The following CADPS variants were observed in gnomAD, a reference collection of about 807,000 sequenced individuals.
CADPS encodes the protein calcium dependent secretion activator, also known as calcium-dependent secretion activator 1.
In CADPS, 57 loss-of-function variants were observed where a neutral mutation model predicts 167.3. That is an observed-to-expected ratio of 0.34 (90% CI 0.28 to 0.42). The LOEUF is 0.42. CADPS is among the 20% of genes least tolerant of loss of function. The probability of loss-of-function intolerance (pLI) is 1.00; values close to 1 mark genes in which losing one functional copy is unlikely to be tolerated. For synonymous variants in CADPS, 676 were observed against 635.3 expected, an observed-to-expected ratio of 1.06 and a Z score of -0.96; for missense variants, 1,414 against 1,738.1, an observed-to-expected ratio of 0.81 and a Z score of 3.32.
At chr3:62,844,178 G>C (rs925081141) in intron 1 of CADPS, among the ~76,000 whole-genome samples, 2 of 152,178 alleles carry the variant, frequency 1.3e-5, no homozygotes, top group African/African-American at 4.8e-5. Flanking sequence ...TGTAAGGTAA[G>C]AGCTCTTCTG....
At chr3:62,535,737 A>G (rs2074563695) in intron 12 of CADPS, among the ~76,000 whole-genome samples, 1 of 152,086 alleles carries the variant, frequency 6.6e-6, no homozygotes, top group East Asian at 1.9e-4. Flanking sequence ...TGAATTTGAT[A>G]GTTTAAAGCC....
At chr3:62,417,440 C>T (rs888910683) in intron 28 of CADPS, among the ~76,000 whole-genome samples, 14 of 151,438 alleles carry the variant, frequency 9.2e-5, no homozygotes, top group African/African-American at 2.9e-4. Flanking sequence ...GTGTGCCACC[C>T]CACCTGGCTA....
chr3:62,451,366 G>C (rs2058020774), intron 26 of CADPS, among the ~76,000 whole-genome samples: 1 of 152,024 alleles, frequency 6.6e-6, no homozygotes, highest in South Asian at 2.1e-4. Flanking sequence ...CTTTGATAGG[G>C]AGCGCGGCAG....
intron 6 of CADPS, among the ~76,000 whole-genome samples, chr3:62,595,350 C>T (rs914624224): frequency 6.6e-6 from 1 of 151,762 alleles, no homozygotes; most frequent in Non-Finnish European, 1.5e-5. Flanking sequence ...GCAGCAAGAC[C>T]CCGAGATAGG....
At chr3:62,864,127 C>A (rs1460493316) in intron 1 of CADPS, among the ~76,000 whole-genome samples, 1 of 152,158 alleles carries the variant, frequency 6.6e-6, no homozygotes, top group Non-Finnish European at 1.5e-5. Context: ...ACTTTCCTAG[C>A]AGAAGAAGGT....
Position 62,430,189 on chromosome 3 carries a change from G to A in CADPS, c.3777+7915C>T, listed in dbSNP as rs561389905. Among the ~76,000 whole-genome samples the A allele has an allele frequency of 2.0e-5, 3 of 152,244 alleles. No homozygotes were observed. The South Asian group carries it at 6.2e-4, about 32-fold the overall frequency. Reference sequence around the variant, plus strand: ...TTTTTTGTATGCAGGATTGCTGAAAGTTCAAAATACCCAGGCATGGAGTGA... The same window carrying A: ...TTTTTTGTATGCAGGATTGCTGAAAATTCAAAATACCCAGGCATGGAGTGA... On this transcript the variant is annotated intron_variant, in intron 28 of 29. Transcript: ENST00000383710.
intron 2 of CADPS, among the ~76,000 whole-genome samples, chr3:62,755,276 G>C (rs1167633831): frequency 3.3e-5 from 5 of 152,114 alleles, no homozygotes; most frequent in African/African-American, 1.2e-4. Flanking sequence ...ACCTGGTTGA[G>C]TCCTGGGACC....
intron 6 of CADPS, among the ~76,000 whole-genome samples, chr3:62,594,871 G>T (rs536453701): frequency 2.0e-5 from 3 of 152,274 alleles, no homozygotes; most frequent in African/African-American, 7.2e-5. Flanking sequence ...GCCACCATTT[G>T]GGAACGAGAG....
At chr3:62,638,055 T>C (rs2066652994) in intron 6 of CADPS, among the ~76,000 whole-genome samples, 1 of 146,926 alleles carries the variant, frequency 6.8e-6, no homozygotes. Flanking sequence ...GACTACTATC[T>C]GCCCAAGCAT....
At position 62,765,921 on chromosome 3, in the gene CADPS, G is replaced by T; in HGVS notation, c.505C>A (p.Gln169Lys). ...ATGAAGGCTTCGTCAGCCATGATCT[G>T]GGTTTCCCCATTGAGGAAAGCCTGA... Reference protein sequence around the residue: ...RFQAFLNGETQIMADEAFMNA... With the variant: ...RFQAFLNGETKIMADEAFMNA... The change falls in exon 2 of 30, where the codon CAG becomes AAG. Residue 169 changes from glutamine (Q) to lysine (K), a missense_variant. Physicochemically the swap from Gln to Lys is moderately conservative, Grantham distance 53. Transcript: ENST00000383710. The T allele has an allele frequency of 6.2e-7, 1 of 1,613,444 alleles. No individual in the cohort carries two copies. Among genetic ancestry groups the T allele is most frequent in the Non-Finnish European group, 8.5e-7 (1 of 1,179,520 alleles).
chr3:62,750,130 T>C (rs2082363699), intron 3 of CADPS, among the ~76,000 whole-genome samples: 1 of 151,892 alleles, frequency 6.6e-6, no homozygotes, highest in South Asian at 2.1e-4. Flanking sequence ...GGTGGGTGGG[T>C]CACCTGAGGT....
intron 3 of CADPS, among the ~76,000 whole-genome samples, chr3:62,677,829 G>A (rs555098011): frequency 9.0e-4 from 137 of 152,190 alleles, no homozygotes; most frequent in African/African-American, 3.1e-3. Flanking sequence ...AGATAAGAAT[G>A]AGAATTTTGA....
chr3:62,469,903 A>G (rs2150488423), intron 24 of CADPS, among the ~76,000 whole-genome samples: 1 of 152,310 alleles, frequency 6.6e-6, no homozygotes. Flanking sequence ...TGGTCAGTTC[A>G]CTTTTGCTTC....
intron 21 of CADPS, among the ~76,000 whole-genome samples, chr3:62,490,291 A>G (rs918795184): frequency 1.3e-5 from 2 of 152,038 alleles, no homozygotes; most frequent in African/African-American, 2.4e-5. Context: ...GCATGAACGA[A>G]ATGATTTCCT....
chr3:62,608,186 C>G (rs2060958821), intron 6 of CADPS, among the ~76,000 whole-genome samples: 1 of 152,040 alleles, frequency 6.6e-6, no homozygotes, highest in African/African-American at 2.4e-5. Flanking sequence ...CCTAGTCACT[C>G]TTACTGTGGG....
At chr3:62,666,330 G>A (rs2074397788) in intron 3 of CADPS, among the ~76,000 whole-genome samples, 1 of 152,172 alleles carries the variant, frequency 6.6e-6, no homozygotes, top group African/African-American at 2.4e-5. Flanking sequence ...ATCCTCGCGT[G>A]AGGAGCTTGA....
Position 62,516,646 on chromosome 3 carries a change from A to G in CADPS, c.2394-3T>C. 3.1e-6 allele frequency: 5 copies of G among 1,591,864 alleles called. No homozygotes were observed. Among genetic ancestry groups the G allele is most frequent in the Non-Finnish European group, 4.3e-6 (5 of 1,167,066 alleles). ...GTCGACCAAATGGAAAGCAATACCT[A>G]AAAAAGACAAAATTCTTCAGGTTGC... On this transcript the variant is annotated splice_region_variant and splice_polypyrimidine_tract_variant and intron_variant, in intron 14 of 29. Coordinates refer to ENST00000383710, the MANE Select transcript of CADPS (RefSeq NM_003716.4).
At chr3:62,489,256 G>A (rs1297030662) in intron 21 of CADPS, among the ~76,000 whole-genome samples, 2 of 152,092 alleles carry the variant, frequency 1.3e-5, no homozygotes, top group East Asian at 1.9e-4. Flanking sequence ...CACCTCCTGG[G>A]TTCACACCAT....
At chr3:62,693,533 G>A (rs1350601933) in intron 3 of CADPS, among the ~76,000 whole-genome samples, 1 of 152,048 alleles carries the variant, frequency 6.6e-6, no homozygotes, top group African/African-American at 2.4e-5. Context: ...GCTCACATCT[G>A]TAATTTGGGA....
Sources: allele counts gnomAD v4.1 joint callset (sites outside exome capture counted in the v4.1 genomes callset), GRCh38; gene constraint gnomAD v4.1.1; transcripts MANE v1.5; gene names NCBI Gene and HGNC (gene_info 2026-07-23, HGNC 2026-07-21).